Variants in CCDC144A observed in about 807,000 individuals in gnomAD.
The protein encoded by CCDC144A is coiled-coil domain containing 144A, also known as coiled-coil domain-containing protein 144A.
In CCDC144A, 41 loss-of-function variants were observed where a neutral mutation model predicts 143.8. That is an observed-to-expected ratio of 0.29 (90% CI 0.22 to 0.37). CCDC144A has a LOEUF of 0.37. Ranked by LOEUF, CCDC144A falls within the 10% of genes least tolerant of loss-of-function variation. The probability of loss-of-function intolerance (pLI) is 1.00; values close to 1 mark genes in which losing one functional copy is unlikely to be tolerated. For synonymous variants in CCDC144A, 242 were observed against 517.9 expected, an observed-to-expected ratio of 0.47 and a Z score of 7.23; for missense variants, 637 against 1,488.8, an observed-to-expected ratio of 0.43 and a Z score of 9.41.
intron 12 of CCDC144A, among the ~76,000 whole-genome samples, chr17:16,760,257 G>C (rs1915302428): frequency 6.6e-6 from 1 of 150,662 alleles, no homozygotes; most frequent in African/African-American, 2.5e-5. Flanking sequence ...AATGTCATGG[G>C]AGAAGTGGCA....
Position 16,708,967 on chromosome 17 carries a change from G to T in CCDC144A, c.910G>T (p.Glu304Ter). ...AAATGAGTTAAAGCAGAGGTTTGGT[G>T]AAATTTATGAAAAATACAAAATTCC... is the stretch of plus-strand genomic sequence containing the variant. ...VINELKQRFG[E>*]IYEKYKIPAC... is the part of the protein sequence containing the mutation. The change falls in exon 5 of 17, where the codon GAA becomes TAA. Residue 304 changes from glutamate to a stop codon, truncating the protein, a stop_gained. Coordinates refer to ENST00000399273, the MANE Select transcript of CCDC144A (RefSeq NM_001382000.1). LOFTEE classifies it high-confidence loss of function. 6.2e-7 allele frequency: 1 copy of T among 1,611,600 alleles called. No individual in the cohort carries two copies. The highest frequency in any genetic ancestry group is 8.5e-7 in the Non-Finnish European group (1 of 1,179,608).
intron 12 of CCDC144A, chr17:16,745,790 T>A (rs1914472963): frequency 8.7e-6 from 14 of 1,611,574 alleles, no homozygotes; most frequent in Middle Eastern, 1.7e-4. Context: ...TTCTGGGTGC[T>A]GGACTGTCGT....
the CCDC144A span, among the ~76,000 whole-genome samples, chr17:16,678,751 G>C: frequency 2.6e-5 from 2 of 78,052 alleles, no homozygotes; most frequent in African/African-American, 9.3e-5. Context: ...TGGCTAATTT[G>C]TTTTTTTTTT....
intron 16 of CCDC144A, among the ~76,000 whole-genome samples, chr17:16,772,275 T>C (rs1915851440): frequency 6.6e-6 from 1 of 151,912 alleles, no homozygotes; most frequent in Non-Finnish European, 1.5e-5. Flanking sequence ...CTGCCATCCC[T>C]ATGGAATTGT....
chr17:16,734,353 T>C (rs1913897290), intron 11 of CCDC144A, among the ~76,000 whole-genome samples: 1 of 152,174 alleles, frequency 6.6e-6, no homozygotes, highest in Admixed American at 6.5e-5. Context: ...ATAGGTTAGA[T>C]GTCAGAGTGT....
At chr17:16,692,374 A>G (rs1272827870) in intron 1 of CCDC144A, among the ~76,000 whole-genome samples, 6 of 148,162 alleles carry the variant, frequency 4.0e-5, no homozygotes, top group Non-Finnish European at 8.9e-5. Flanking sequence ...TTTAGTTACA[A>G]ACTATGAACT....
chr17:16,686,648 A>C (rs146019325), upstream of CCDC144A, among the ~76,000 whole-genome samples: 5 of 151,814 alleles, frequency 3.3e-5, no homozygotes, highest in African/African-American at 9.7e-5. Context: ...CTCCACAAAA[A>C]AAAATTGTTT....
upstream of CCDC144A, among the ~76,000 whole-genome samples, chr17:16,686,747 A>AACACACAC (rs142329474): frequency 3.3e-3 from 459 of 140,486 alleles, 2 homozygotes; most frequent in Middle Eastern, 0.022. Flanking sequence ...CACACACACA[A>AACACACAC]ACACACACAC....
chr17:16,726,244 G>T (rs1017083451), intron 8 of CCDC144A, among the ~76,000 whole-genome samples: 1 of 151,540 alleles, frequency 6.6e-6, no homozygotes, highest in Non-Finnish European at 1.5e-5. Flanking sequence ...AGCCGGGCGC[G>T]GTGGCAGGCG....
intron 9 of CCDC144A, among the ~76,000 whole-genome samples, chr17:16,730,146 CTTGAG>C (rs1366388287): frequency 1.7e-5 from 2 of 119,682 alleles, no homozygotes; most frequent in African/African-American, 6.9e-5. Flanking sequence ...CCTAATCCAT[CTTGAG>C]TTAATTTTTA....
chr17:16,690,701 G>T lies in CCDC144A; in HGVS notation c.301G>T (p.Ala101Ser). 6.2e-7 allele frequency: 1 copy of T among 1,613,186 alleles called. No individual in the cohort carries two copies. Among genetic ancestry groups the T allele is most frequent in the East Asian group, 2.2e-5 (1 of 44,846 alleles). The change falls in exon 1 of 17, where the codon GCT (alanine) becomes TCT (serine). Residue 101 changes from alanine to serine, a missense_variant. Ala to Ser is a moderately conservative substitution (Grantham distance 99). Transcript: ENST00000399273. ...CGTCCCTGGGGTGGAGCACATCTTAGCTCCTGGAGACACTGGCGTGGACAA... is the reference window on the plus strand; with the variant it reads ...CGTCCCTGGGGTGGAGCACATCTTATCTCCTGGAGACACTGGCGTGGACAA... The part of the protein sequence containing the change: ...GDVPGVEHIL[A>S]PGDTGVDKRD...
chr17:16,743,930 G>A (rs1247686721), intron 12 of CCDC144A, among the ~76,000 whole-genome samples: 1 of 152,244 alleles, frequency 6.6e-6, no homozygotes, highest in East Asian at 1.9e-4. Flanking sequence ...GTGAGAACAT[G>A]TAGTATTTGG....
chr17:16,713,170 A>G (rs530523285), intron 6 of CCDC144A, among the ~76,000 whole-genome samples: 1 of 152,212 alleles, frequency 6.6e-6, no homozygotes, highest in East Asian at 1.9e-4. Flanking sequence ...GCCAGTTAGT[A>G]AATATTTTAG....
At chr17:16,678,121 T>C in the CCDC144A span, among the ~76,000 whole-genome samples, 1 of 152,120 alleles carries the variant, frequency 6.6e-6, no homozygotes, top group African/African-American at 2.4e-5. Flanking sequence ...GGAGTTTTAA[T>C]GTACAAACCA....
chr17:16,699,135 G>A (rs1911575863), intron 2 of CCDC144A, among the ~76,000 whole-genome samples: 1 of 151,584 alleles, frequency 6.6e-6, no homozygotes, highest in African/African-American at 2.4e-5. Flanking sequence ...AAGATTTTAA[G>A]TGTCTTCTGG....
intron 3 of CCDC144A, chr17:16,706,343 A>G (rs1912058225): frequency 6.9e-6 from 1 of 144,852 alleles, no homozygotes; most frequent in South Asian, 2.3e-4. Flanking sequence ...ACCACTCTTG[A>G]GAACATTAAT....
intron 8 of CCDC144A, among the ~76,000 whole-genome samples, chr17:16,725,430 C>A (rs1199808236): frequency 6.6e-6 from 1 of 151,188 alleles, no homozygotes; most frequent in Non-Finnish European, 1.5e-5. Flanking sequence ...TCTATCTTAG[C>A]AGTTGCACTA....
intron 1 of CCDC144A, among the ~76,000 whole-genome samples, 168 bp downstream of exon 1, chr17:16,690,912 T>C (rs981132563): frequency 8.5e-5 from 13 of 152,190 alleles, no homozygotes; most frequent in Non-Finnish European, 1.6e-4. Flanking sequence ...AAAGTGTTGG[T>C]CTACTTTACA....
chr17:16,734,362 G>A (rs138003654), intron 11 of CCDC144A, among the ~76,000 whole-genome samples: 8,573 of 152,196 alleles, frequency 0.056, 372 homozygotes, highest in East Asian at 0.17. Flanking sequence ...ATGTCAGAGT[G>A]TAAAGCCAAT....
Sources: allele counts gnomAD v4.1 joint callset (sites outside exome capture counted in the v4.1 genomes callset), GRCh38; gene constraint gnomAD v4.1.1; transcripts MANE v1.5; gene names NCBI Gene and HGNC (gene_info 2026-07-23, HGNC 2026-07-21).